Variants in LRRC37A2 observed in about 807,000 individuals in gnomAD.
The protein encoded by LRRC37A2 is leucine rich repeat containing 37 member A2.
In LRRC37A2, 9 loss-of-function variants were observed where a neutral mutation model predicts 68.8. The ratio of observed to expected loss-of-function variants is 0.13; its 90% CI spans 0.08 to 0.23. The LOEUF is 0.23. Ranked by LOEUF, LRRC37A2 falls within the 10% of genes least tolerant of loss-of-function variation. LRRC37A2 has a pLI of 1.00. For synonymous variants in LRRC37A2, 63 were observed against 367.6 expected, an observed-to-expected ratio of 0.17 and a Z score of 9.48; for missense variants, 168 against 950.4, an observed-to-expected ratio of 0.18 and a Z score of 10.82.
chr17:46,851,724 C>G, the LRRC37A2 span: 2 of 1,273,578 alleles, frequency 1.6e-6, no homozygotes, highest in Non-Finnish European at 2.0e-6. This position sits in a 1 kb window ranked among gnomAD's most constrained non-coding sequence, Gnocchi z 4.3. Flanking sequence ...GGGTCAGTGC[C>G]CGCCGCGCCC....
the LRRC37A2 span, among the ~76,000 whole-genome samples, chr17:46,869,809 G>A: frequency 6.6e-5 from 10 of 152,108 alleles, no homozygotes; most frequent in African/African-American, 2.4e-4. Flanking sequence ...AACCAGCCTG[G>A]CTAACATGGT....
At chr17:46,995,236 T>C in the LRRC37A2 span, among the ~76,000 whole-genome samples, 6 of 152,148 alleles carry the variant, frequency 3.9e-5, no homozygotes, top group African/African-American at 1.4e-4. Flanking sequence ...TATGACCCTA[T>C]GCTGTCTAAG....
chr17:46,868,759 T>C, the LRRC37A2 span, among the ~76,000 whole-genome samples: 1 of 152,072 alleles, frequency 6.6e-6, no homozygotes, highest in Non-Finnish European at 1.5e-5. Flanking sequence ...ACCCAGTGAG[T>C]GGTGTCTGCA....
At chr17:46,898,935 C>T in the LRRC37A2 span, among the ~76,000 whole-genome samples, 3,026 of 152,224 alleles carry the variant, frequency 0.02, 99 homozygotes, top group African/African-American at 0.07. Context: ...GGAATTCAAA[C>T]AAATGTCCAT....
the LRRC37A2 span, among the ~76,000 whole-genome samples, chr17:47,006,347 G>T: frequency 6.6e-6 from 1 of 152,146 alleles, no homozygotes; most frequent in Non-Finnish European, 1.5e-5. Flanking sequence ...AGGGCCGGGT[G>T]CAGTGGCTCA....
At chr17:46,966,704 G>A in the LRRC37A2 span, 8 of 493,396 alleles carry the variant, frequency 1.6e-5, no homozygotes, top group Non-Finnish European at 2.5e-5. Context: ...TCAACTATTA[G>A]CTGTGATTTC....
the LRRC37A2 span, among the ~76,000 whole-genome samples, chr17:46,895,422 T>A: frequency 2.0e-5 from 3 of 152,236 alleles, no homozygotes; most frequent in Non-Finnish European, 4.4e-5. Flanking sequence ...AACCTCTCTG[T>A]GCCACAGCTC....
At chr17:46,760,595 C>G in the LRRC37A2 span, among the ~76,000 whole-genome samples, 1 of 147,150 alleles carries the variant, frequency 6.8e-6, no homozygotes, top group African/African-American at 2.5e-5. Flanking sequence ...GATCACACCA[C>G]TGTACTCCAG....
chr17:46,779,053 T>TCACTCACACACA, the LRRC37A2 span, among the ~76,000 whole-genome samples: 5 of 100,668 alleles, frequency 5.0e-5, no homozygotes, highest in South Asian at 4.0e-4. Flanking sequence ...CCCTACCCCA[T>TCACTCACACACA]CACACACACA....
chr17:46,615,550 C>T, the LRRC37A2 span, among the ~76,000 whole-genome samples: 2 of 8,742 alleles, frequency 2.3e-4, no homozygotes, highest in Non-Finnish European at 1.8e-4. Context: ...AACCCCATCT[C>T]TACAAAAAAT....
the LRRC37A2 span, chr17:46,768,639 C>A: frequency 6.8e-6 from 11 of 1,614,160 alleles, no homozygotes; most frequent in Non-Finnish European, 9.3e-6. This position sits in a 1 kb window ranked among gnomAD's most constrained non-coding sequence, Gnocchi z 5.0. Context: ...TCGGGACTCA[C>A]GGTGCTTCTC....
chr17:46,890,070 C>T, the LRRC37A2 span, among the ~76,000 whole-genome samples: 1 of 152,208 alleles, frequency 6.6e-6, no homozygotes. Context: ...GCATCTCCAC[C>T]CCTGAGGCCC....
chr17:47,009,147 A>G, the LRRC37A2 span, among the ~76,000 whole-genome samples: 31 of 152,194 alleles, frequency 2.0e-4, no homozygotes, highest in African/African-American at 6.5e-4. Context: ...AAAAAAAAGC[A>G]AAGAAATTGT....
At chr17:46,818,583 C>T in the LRRC37A2 span, 24 of 1,602,948 alleles carry the variant, frequency 1.5e-5, no homozygotes, top group Non-Finnish European at 1.9e-5. Context: ...GCAGCCCGAG[C>T]AGGTGGGGCT....
At chr17:47,026,364 TG>T in the LRRC37A2 span, among the ~76,000 whole-genome samples, 1 of 152,234 alleles carries the variant, frequency 6.6e-6, no homozygotes, top group South Asian at 2.1e-4. Context: ...GGAGCCAACA[TG>T]GGGAACCATG....
At chr17:46,716,416 C>T in the LRRC37A2 span, among the ~76,000 whole-genome samples, 7 of 152,106 alleles carry the variant, frequency 4.6e-5, no homozygotes, top group Non-Finnish European at 7.3e-5. Context: ...GCCACCATGC[C>T]TGGCTAATTT....
chr17:46,932,227 C>T, the LRRC37A2 span: 3 of 1,613,384 alleles, frequency 1.9e-6, no homozygotes, highest in African/African-American at 4.0e-5. Flanking sequence ...TGAGGGTCGG[C>T]CTGCACTTGA....
At chr17:47,014,085 C>T in the LRRC37A2 span, among the ~76,000 whole-genome samples, 1 of 145,330 alleles carries the variant, frequency 6.9e-6, no homozygotes, top group Non-Finnish European at 1.5e-5. Context: ...AAGAGTGAGA[C>T]TCCATCTCAA....
chr17:47,038,072 G>A, the LRRC37A2 span, among the ~76,000 whole-genome samples: 126 of 152,252 alleles, frequency 8.3e-4, no homozygotes, highest in African/African-American at 2.8e-3. Context: ...GGGAGGCTGC[G>A]GTGGGAGGAT....
Sources: allele counts gnomAD v4.1 joint callset (sites outside exome capture counted in the v4.1 genomes callset), GRCh38; gene constraint gnomAD v4.1.1; non-coding constraint Gnocchi (gnomAD v3.1); transcripts MANE v1.5; gene names NCBI Gene and HGNC (gene_info 2026-07-23, HGNC 2026-07-21).